PLPP3: variants seen among roughly 807,000 people sequenced by gnomAD.
The protein encoded by PLPP3 is phospholipid phosphatase 3.
In PLPP3, 6 loss-of-function variants were observed where a neutral mutation model predicts 29.6. The ratio of observed to expected loss-of-function variants is 0.20; its 90% CI spans 0.11 to 0.40. PLPP3 has a LOEUF of 0.40. Ranked by LOEUF, PLPP3 falls within the 10% of genes least tolerant of loss-of-function variation. The pLI, the probability that PLPP3 is intolerant of heterozygous loss-of-function variation, is 1.00. For missense variants in PLPP3, 308 were observed against 407.7 expected (o/e 0.76, Z 2.11); for synonymous variants, 152 against 159.7 (o/e 0.95, Z 0.36).
At chr1:56,562,535 CAA>C (rs1433815661) in intron 1 of PLPP3, among the ~76,000 whole-genome samples, 1 of 152,184 alleles carries the variant, frequency 6.6e-6, no homozygotes, top group Non-Finnish European at 1.5e-5. Context: ...ATTGTACAAA[CAA>C]GAGCTTGCAG....
At position 56,529,681 on chromosome 1, in the gene PLPP3, G is replaced by A. The variant is rs768009316; in HGVS notation, c.298-5127C>T. On this transcript the variant is annotated intron_variant, in intron 2 of 5. Coordinates refer to ENST00000371250, the MANE Select transcript of PLPP3 (RefSeq NM_003713.5). ...TCCATCTACTGCAATAAAGTGCAGC[G>A]TCTTTAGTAACTAGAAATAGTTGAT... Among the ~76,000 whole-genome samples, 82 of 152,290 alleles carry A rather than the reference G, an allele frequency of 5.4e-4. 1 individual carries two copies. Among genetic ancestry groups the A allele is most frequent in the Non-Finnish European group, 9.7e-4 (66 of 68,008 alleles).
intron 1 of PLPP3, among the ~76,000 whole-genome samples, chr1:56,545,753 C>T (rs541750443): frequency 5.9e-5 from 9 of 152,314 alleles, no homozygotes; most frequent in African/African-American, 2.2e-4. Flanking sequence ...CCAAGCCATG[C>T]TACCCAGGTG....
intron 1 of PLPP3, among the ~76,000 whole-genome samples, chr1:56,556,056 C>A (rs571133156): frequency 6.6e-6 from 1 of 152,208 alleles, no homozygotes; most frequent in South Asian, 2.1e-4. Flanking sequence ...GGCCTAAATG[C>A]AAATCAAACT....
At chr1:56,564,113 G>T (rs138064681) in intron 1 of PLPP3, among the ~76,000 whole-genome samples, 1 of 152,284 alleles carries the variant, frequency 6.6e-6, no homozygotes, top group Non-Finnish European at 1.5e-5. Flanking sequence ...AAAGAGCATA[G>T]GTGTTGGTTG....
intron 1 of PLPP3, among the ~76,000 whole-genome samples, chr1:56,575,007 A>G (rs1380958710): frequency 2.0e-5 from 3 of 152,242 alleles, no homozygotes; most frequent in African/African-American, 7.2e-5. Context: ...GTACAAGACT[A>G]TAATGACTGT....
intron 4 of PLPP3, among the ~76,000 whole-genome samples, chr1:56,516,454 G>A (rs1032413405): frequency 3.3e-5 from 5 of 152,182 alleles, no homozygotes; most frequent in Non-Finnish European, 7.3e-5. Context: ...CACTTTCCCA[G>A]ATCAGAATAC....
intron 4 of PLPP3, among the ~76,000 whole-genome samples, chr1:56,520,418 C>T (rs1413089925): frequency 2.6e-5 from 4 of 152,100 alleles, no homozygotes; most frequent in South Asian, 2.1e-4. Context: ...CTGGGTACAC[C>T]GGGGAGTCCA....
At chr1:56,521,347 G>C (rs972448415) in intron 4 of PLPP3, among the ~76,000 whole-genome samples, 1 of 152,056 alleles carries the variant, frequency 6.6e-6, no homozygotes, top group African/African-American at 2.4e-5. Context: ...CCCTGGCAGA[G>C]AGTGCTGTCC....
At chr1:56,566,177 G>A (rs1024904553) in intron 1 of PLPP3, among the ~76,000 whole-genome samples, 1 of 152,210 alleles carries the variant, frequency 6.6e-6, no homozygotes, top group Admixed American at 6.5e-5. Flanking sequence ...GACCTTCACA[G>A]GTCCAGAGAA....
chr1:56,542,820 G>A (rs1383793664), intron 1 of PLPP3, among the ~76,000 whole-genome samples: 2 of 151,946 alleles, frequency 1.3e-5, no homozygotes, highest in Admixed American at 6.6e-5. Context: ...TCATAAGTCC[G>A]AGACCAGCCT....
At chr1:56,534,088 C>A (rs998443314) in intron 2 of PLPP3, among the ~76,000 whole-genome samples, 4 of 152,166 alleles carry the variant, frequency 2.6e-5, no homozygotes, top group African/African-American at 9.7e-5. Context: ...CTTAGCATTT[C>A]TGCCCATTTT....
At chr1:56,576,553 G>A (rs993197775) in intron 1 of PLPP3, among the ~76,000 whole-genome samples, 1 of 152,098 alleles carries the variant, frequency 6.6e-6, no homozygotes, top group African/African-American at 2.4e-5. Context: ...TGTGCTCAGG[G>A]GAAACATTGA....
chr1:56,563,572 T>C (rs115079227), intron 1 of PLPP3, among the ~76,000 whole-genome samples: 253 of 152,372 alleles, frequency 1.7e-3, no homozygotes, highest in African/African-American at 6.0e-3. Flanking sequence ...TTCTCTCTGA[T>C]ATATTTTCAG....
rs74619641 is a variant in PLPP3 at position 56,531,458 on chromosome 1, A to G, written c.297+5497T>C. On this transcript the variant is annotated intron_variant, in intron 2 of 5. Transcript: ENST00000371250. Reference sequence around the variant, plus strand: ...GCCTACCACAAAGCCTGCTTGCTATAAGGGAGGTATCACCCGGCACCTACC... The same window carrying G: ...GCCTACCACAAAGCCTGCTTGCTATGAGGGAGGTATCACCCGGCACCTACC... Among the ~76,000 whole-genome samples, 613 of 152,278 alleles carry G rather than the reference A, an allele frequency of 4.0e-3. 21 individuals carry two copies. In the East Asian group the frequency reaches 0.082, roughly 20 times the overall value.
At position 56,554,799 on chromosome 1, in the gene PLPP3, T is replaced by C. The variant is rs368059690; in HGVS notation, c.140-17687A>G. On this transcript the variant is annotated intron_variant, in intron 1 of 5. Coordinates refer to ENST00000371250, the MANE Select transcript of PLPP3 (RefSeq NM_003713.5). ...AATGTCTTTTCAATGTTCCATTATT[T>C]CCAGCTAAAGGAAAATAACTGGGGA... 1.6e-4 allele frequency among the ~76,000 whole-genome samples: 25 copies of C among 152,306 alleles called. 1 individual carries two copies. The highest frequency in any genetic ancestry group is 5.8e-4 in the African/African-American group (24 of 41,566).
At chr1:56,529,901 C>T (rs1054080380) in intron 2 of PLPP3, among the ~76,000 whole-genome samples, 1 of 152,100 alleles carries the variant, frequency 6.6e-6, no homozygotes, top group Non-Finnish European at 1.5e-5. Flanking sequence ...CAGAGAGGGG[C>T]TACAGAAGTT....
intron 5 of PLPP3, among the ~76,000 whole-genome samples, chr1:56,509,230 C>G (rs112038764): frequency 6.6e-6 from 1 of 152,184 alleles, no homozygotes; most frequent in African/African-American, 2.4e-5. Flanking sequence ...TCCAAACCAT[C>G]TTTACATTGT....
chr1:56,515,898 A>G (rs1044958601), intron 4 of PLPP3, among the ~76,000 whole-genome samples: 4 of 152,150 alleles, frequency 2.6e-5, no homozygotes, highest in Admixed American at 1.3e-4. Context: ...GAACAGTACT[A>G]TCTCCTTCTC....
chr1:56,523,112 G>A (rs1645830357), intron 4 of PLPP3, among the ~76,000 whole-genome samples: 1 of 152,154 alleles, frequency 6.6e-6, no homozygotes, highest in African/African-American at 2.4e-5. Flanking sequence ...CTTGGTCTGT[G>A]GATTTGAGAA....
Sources: gnomAD v4.1 joint callset for allele counts (sites outside exome capture counted in the v4.1 genomes callset) on GRCh38, gnomAD v4.1.1 for gene constraint, MANE v1.5 for transcripts, NCBI Gene and HGNC (gene_info 2026-07-23, HGNC 2026-07-21) for gene names.